The following TRPM2 variants were observed in gnomAD, a reference collection of about 807,000 sequenced individuals.
TRPM2 encodes estrogen-responsive element-associated gene 1 protein.
TRPM2 carries 161 observed loss-of-function variants against 174.0 expected under a neutral mutation model. That is an observed-to-expected ratio of 0.93 (90% CI 0.81 to 1.05). The LOEUF (loss-of-function observed/expected upper bound fraction) is 1.05. Ranked by LOEUF, TRPM2 falls within the 50% of genes least tolerant of loss-of-function variation. TRPM2 has a pLI of 0.00. For synonymous variants in TRPM2, 954 were observed against 861.3 expected (o/e 1.11, Z -1.88); for missense variants, 2,057 against 2,038.0 (o/e 1.01, Z -0.18).
chr21:44,352,000 G>A (rs2122998894), upstream of TRPM2, among the ~76,000 whole-genome samples: 5 of 152,206 alleles, frequency 3.3e-5, no homozygotes, highest in Non-Finnish European at 7.4e-5. Flanking sequence ...CGTTTCCAGC[G>A]TGGAGCCATC....
intron 21 of TRPM2, 83 bp from the exon 22 acceptor site, chr21:44,418,340 C>T (rs879359773): frequency 2.9e-4 from 450 of 1,558,536 alleles, no homozygotes; most frequent in Non-Finnish European, 3.1e-4. Context: ...CCCCCTCCCA[C>T]GGGGCCCCCC....
intron 19 of TRPM2, among the ~76,000 whole-genome samples, chr21:44,409,800 T>C (rs1205511557): frequency 6.8e-6 from 1 of 148,064 alleles, no homozygotes; most frequent in Admixed American, 6.8e-5. Flanking sequence ...GGCATAGCCT[T>C]GTAGTAAGTT....
intron 22 of TRPM2, chr21:44,422,415 G>T: frequency 1.3e-6 from 2 of 1,536,098 alleles, no homozygotes; most frequent in Non-Finnish European, 1.7e-6. Flanking sequence ...GGGAAAACAT[G>T]GCAGGTGCGG....
Position 44,426,590 on chromosome 21 carries a change from C to T in TRPM2, c.3796-70C>T, listed in dbSNP as rs960611388. Reference sequence around the variant, plus strand: ...TTCAGACCCAGCTGAGCAGCCCTTTCACCCTGGTGCCTGGCCCAGCTTTGC... The same window carrying T: ...TTCAGACCCAGCTGAGCAGCCCTTTTACCCTGGTGCCTGGCCCAGCTTTGC... On this transcript the variant is annotated intron_variant, in intron 25 of 31. Transcript: ENST00000397928. The T allele has an allele frequency of 2.0e-6, 3 of 1,532,422 alleles. No individual in the cohort carries two copies. In the African/African-American group the frequency reaches 4.1e-5, roughly 21 times the overall value. The allele number at this position is 1,532,422 out of a possible 1,614,324, so 94.9% of individuals were successfully genotyped here.
At chr21:44,351,212 G>C (rs1434092902), upstream of TRPM2, among the ~76,000 whole-genome samples, 3 of 152,190 alleles carry the variant, frequency 2.0e-5, no homozygotes, top group Non-Finnish European at 4.4e-5. Flanking sequence ...CTGGGCTCGC[G>C]TGCCAACGAG....
intron 5 of TRPM2, among the ~76,000 whole-genome samples, chr21:44,370,834 A>C (rs1200453329): frequency 3.3e-5 from 5 of 152,086 alleles, no homozygotes; most frequent in African/African-American, 1.2e-4. Flanking sequence ...GTCCCAGGTC[A>C]CTCCTTACTT....
chr21:44,435,291 T>C, intron 28 of TRPM2, 74 bp downstream of exon 28: 1 of 1,532,628 alleles, frequency 6.5e-7, no homozygotes, highest in Non-Finnish European at 8.9e-7. Flanking sequence ...CGGCTGCCAT[T>C]GCCCAGTGCT....
Position 44,359,879 on chromosome 21 carries a change from C to T in TRPM2, c.255-4235C>T, listed in dbSNP as rs139749165. ...TCTCCTGCCTCAGCCTCCTGAGTAG[C>T]GGGGACTACAGCTGTGCACCATCAC... is the stretch of plus-strand genomic sequence containing the variant. On this transcript the variant is annotated intron_variant, in intron 2 of 31. Transcript: ENST00000397928. Among the ~76,000 whole-genome samples the T allele has an allele frequency of 3.7e-3, 561 of 151,992 alleles. 3 individuals carry two copies. Among genetic ancestry groups the T allele is most frequent in the African/African-American group, 0.013 (537 of 41,446 alleles).
In TRPM2 at chr21:44,373,584, C is replaced by T. The variant is rs141911976; in HGVS notation, c.772-2249C>T. ...CATTATATGCGACCTGCATTATATGCGACCTGCATTATATGCGACCTGCAT... is the reference window on the plus strand; with the variant it reads ...CATTATATGCGACCTGCATTATATGTGACCTGCATTATATGCGACCTGCAT... On this transcript the variant is annotated intron_variant, in intron 5 of 31. Coordinates refer to ENST00000397928, the MANE Select transcript of TRPM2 (RefSeq NM_003307.4). Among the ~76,000 whole-genome samples, 10 of 106,850 alleles carry T rather than the reference C, an allele frequency of 9.4e-5. No homozygotes were observed. In the South Asian group the frequency reaches 1.2e-3, roughly 12 times the overall value. The allele number at this position is 106,850 out of a possible 152,430, so 70.1% of individuals were successfully genotyped here. A position where few individuals can be genotyped will look rare whatever the true frequency, so the allele number is the denominator to read the frequency against.
chr21:44,404,943 G>T (rs933011564), intron 16 of TRPM2, among the ~76,000 whole-genome samples, 199 bp from the exon 17 acceptor site: 1 of 133,254 alleles, frequency 7.5e-6, no homozygotes, highest in African/African-American at 2.6e-5. Context: ...TGATAGTGAT[G>T]ATAGTGACAG....
At chr21:44,401,590 G>C (rs1871382974) in intron 15 of TRPM2, 91 bp from the exon 16 acceptor site, 1 of 1,346,674 alleles carries the variant, frequency 7.4e-7, no homozygotes, top group Admixed American at 1.8e-5. Flanking sequence ...CTCTCTGAGG[G>C]GCACGGGGGA....
chr21:44,389,809 C>A (rs1483039770), intron 9 of TRPM2, among the ~76,000 whole-genome samples: 1 of 151,672 alleles, frequency 6.6e-6, no homozygotes, highest in Non-Finnish European at 1.5e-5. Flanking sequence ...ATATTATTTT[C>A]TCATGGTGTG....
Position 44,382,801 on chromosome 21 carries a change from C to T in TRPM2, c.1299C>T (p.Ile433=). ...GTCAGCAGGACGTGGATGTGGCCAT[C>T]TTGCAGGCCTTGCTGAAAGGTGAGG... The part of the protein sequence containing the change: ...KDGQQDVDVA[I]LQALLKASRS... Residue 433 remains isoleucine (I), a synonymous_variant, in exon 9 of 32, where the codon ATC becomes ATT. Transcript: ENST00000397928. 1 of 1,613,482 alleles carries T rather than the reference C, an allele frequency of 6.2e-7. No homozygotes were observed. The highest frequency in any genetic ancestry group is 8.5e-7 in the Non-Finnish European group (1 of 1,179,858).
Position 44,426,990 on chromosome 21 carries a change from G to T in TRPM2, c.3873-20G>T. ...ACCTGCAACACGGGCACACAGACACGCCTTCTCCTCTGCTCCCAGCACCCT... is the reference window on the plus strand; with the variant it reads ...ACCTGCAACACGGGCACACAGACACTCCTTCTCCTCTGCTCCCAGCACCCT... On this transcript the variant is annotated intron_variant, in intron 26 of 31. Transcript: ENST00000397928. 6.4e-7 allele frequency: 1 copy of T among 1,571,496 alleles called. No individual in the cohort carries two copies.
At chr21:44,400,863 G>T (rs1279419380) in intron 15 of TRPM2, among the ~76,000 whole-genome samples, 1 of 152,208 alleles carries the variant, frequency 6.6e-6, no homozygotes, top group Non-Finnish European at 1.5e-5. Flanking sequence ...GTCCCCACCT[G>T]CACCTCCTCA....
intron 11 of TRPM2, among the ~76,000 whole-genome samples, chr21:44,393,327 C>G (rs1856743843): frequency 6.6e-6 from 1 of 152,172 alleles, no homozygotes; most frequent in Non-Finnish European, 1.5e-5. Context: ...CTTCTTTGAC[C>G]TATGAATTTG....
intron 8 of TRPM2, among the ~76,000 whole-genome samples, chr21:44,382,115 C>T (rs966359804): frequency 4.0e-5 from 6 of 150,830 alleles, no homozygotes; most frequent in Non-Finnish European, 8.8e-5. Context: ...GATAGCTAGA[C>T]AATAGATAGA....
upstream of TRPM2, among the ~76,000 whole-genome samples, chr21:44,351,640 G>A (rs1489235947): frequency 6.6e-6 from 1 of 152,216 alleles, no homozygotes; most frequent in Non-Finnish European, 1.5e-5. Flanking sequence ...GGCTGGATGG[G>A]CCCTTGGAAG....
chr21:44,358,527 T>C (rs2048120480), intron 2 of TRPM2, among the ~76,000 whole-genome samples: 1 of 152,188 alleles, frequency 6.6e-6, no homozygotes, highest in African/African-American at 2.4e-5. Context: ...AATTTCTGGA[T>C]CAGTGTCCGC....
Sources: allele counts gnomAD v4.1 joint callset (sites outside exome capture counted in the v4.1 genomes callset), GRCh38; gene constraint gnomAD v4.1.1; transcripts MANE v1.5; gene names NCBI Gene and HGNC (gene_info 2026-07-23, HGNC 2026-07-21).